The following TMEM91 variants were observed in gnomAD, a reference collection of about 807,000 sequenced individuals.
TMEM91 encodes dispanin subfamily C member 3.
Under a neutral mutation model 13.3 loss-of-function variants are expected in TMEM91, and 6 were observed. That is an observed-to-expected ratio of 0.45 (90% CI 0.25 to 0.89). The LOEUF (loss-of-function observed/expected upper bound fraction) is 0.89, where lower values mean the gene tolerates loss of function less well. Ranked by LOEUF, TMEM91 falls within the 40% of genes least tolerant of loss-of-function variation. TMEM91 has a pLI of 0.19. For missense variants in TMEM91, 193 were observed against 228.7 expected (o/e 0.84, Z 1.01); for synonymous variants, 87 against 101.7 (o/e 0.86, Z 0.87).
At chr19:41,378,814 G>C (rs910604351) in intron 2 of TMEM91, among the ~76,000 whole-genome samples, 9 of 87,502 alleles carry the variant, frequency 1.0e-4, no homozygotes, top group African/African-American at 4.6e-4. Flanking sequence ...CCCTCTTTGT[G>C]TGTGTGTGTG....
upstream of TMEM91, chr19:41,374,364 A>T (rs1436702365): frequency 6.6e-6 from 1 of 152,244 alleles, no homozygotes; most frequent in Non-Finnish European, 1.5e-5. Context: ...TAGTCTTGTA[A>T]TCAGTCCGAT....
In TMEM91 at chr19:41,383,882, A is replaced by G. The variant is rs2038955030; in HGVS notation, c.*9A>G. 6.2e-7 allele frequency: 1 copy of G among 1,603,528 alleles called. No individual in the cohort carries two copies. The highest frequency in any genetic ancestry group is 2.3e-5 in the East Asian group (1 of 43,770). On this transcript the variant is annotated 3_prime_UTR_variant, in exon 4 of 4. Coordinates refer to ENST00000392002, the MANE Select transcript of TMEM91 (RefSeq NM_001098821.2). Reference sequence around the variant, plus strand: ...CCCGAGACCCGCCCTAGTTGCCCCTACAGCCCTCACTGTGAACCCTGAGGC... The same window carrying G: ...CCCGAGACCCGCCCTAGTTGCCCCTGCAGCCCTCACTGTGAACCCTGAGGC...
At chr19:41,378,206 T>C (rs1427653041) in intron 1 of TMEM91, 75 bp from the exon 2 acceptor site, 1 of 1,140,300 alleles carries the variant, frequency 8.8e-7, no homozygotes, top group African/African-American at 1.6e-5. Context: ...TGCCTGAGTC[T>C]CTCTAAAGCA....
In TMEM91 at chr19:41,378,473, C is replaced by G. The variant is rs2038783224; in HGVS notation, c.164C>G (p.Pro55Arg). The G allele has an allele frequency of 6.2e-7, 1 of 1,613,994 alleles. No homozygotes were observed. The highest frequency in any genetic ancestry group is 1.7e-5 in the Admixed American group (1 of 59,988). The change falls in exon 2 of 4, where the codon CCC becomes CGC. Residue 55 changes from proline to arginine, a missense_variant. Coordinates refer to ENST00000392002, the MANE Select transcript of TMEM91 (RefSeq NM_001098821.2). ...RGLQFLSPPL[P>R]SVSAGLGEPR... ...TTGCAGTTCCTGTCACCGCCTCTTC[C>G]CTCCGTGAGCGCTGGCCTGGGGGAA...
chr19:41,379,367 T>TA (rs80166771), intron 2 of TMEM91, among the ~76,000 whole-genome samples: 2,131 of 131,284 alleles, frequency 0.016, 46 homozygotes, highest in African/African-American at 0.046. Flanking sequence ...GACCCCATCT[T>TA]AAAAAAAAAA....
At chr19:41,364,980 A>T (rs929645489) in intron 1 of TMEM91, among the ~76,000 whole-genome samples, 2 of 151,332 alleles carry the variant, frequency 1.3e-5, no homozygotes, top group African/African-American at 4.9e-5. Flanking sequence ...GGTTCAAGGG[A>T]TCCTCCTACC....
At chr19:41,379,563 G>A (rs1017833451) in intron 2 of TMEM91, among the ~76,000 whole-genome samples, 2 of 148,978 alleles carry the variant, frequency 1.3e-5, no homozygotes, top group African/African-American at 5.0e-5. Flanking sequence ...GAGAGAGAGA[G>A]AGAGAAAGAG....
At chr19:41,364,888 G>T (rs1168292851) in intron 1 of TMEM91, among the ~76,000 whole-genome samples, 2 of 151,370 alleles carry the variant, frequency 1.3e-5, no homozygotes, top group Non-Finnish European at 2.9e-5. Context: ...TCCCATCAAG[G>T]CTCCTTAAAA....
intron 3 of TMEM91, chr19:41,383,284 C>T (rs759721604): frequency 5.6e-5 from 21 of 373,700 alleles, no homozygotes; most frequent in Non-Finnish European, 8.8e-5. Flanking sequence ...GAACTCCTGA[C>T]CTCAAGTGAT....
chr19:41,370,847 C>T (rs1395477158), intron 1 of TMEM91, among the ~76,000 whole-genome samples: 3 of 151,876 alleles, frequency 2.0e-5, no homozygotes, highest in Admixed American at 1.3e-4. Context: ...GGATTACAGG[C>T]ATGTGTCACC....
chr19:41,379,137 CTTTTTTT>C (rs569382453), intron 2 of TMEM91, among the ~76,000 whole-genome samples: 276 of 109,064 alleles, frequency 2.5e-3, no homozygotes, highest in Middle Eastern at 4.9e-3. Flanking sequence ...CCCAGCCTTC[CTTTTTTT>C]TTTTTTTTTT....
At chr19:41,366,592 G>C (rs2038531291) in intron 1 of TMEM91, among the ~76,000 whole-genome samples, 1 of 151,972 alleles carries the variant, frequency 6.6e-6, no homozygotes, top group Non-Finnish European at 1.5e-5. Context: ...GCATGACAAG[G>C]CTCTCCACAA....
chr19:41,383,029 GA>G lies in TMEM91; in HGVS notation c.360+110del. On this transcript the variant is annotated intron_variant, in intron 3 of 3. Transcript: ENST00000392002. Reference sequence around the variant, plus strand: ...GCGGGAAGGTGGAAGGTAGCCCAGAGAACCTGAACTCAAATCCTGAGTCTGC... The same window carrying G: ...GCGGGAAGGTGGAAGGTAGCCCAGAGACCTGAACTCAAATCCTGAGTCTGC... 3 of 1,470,536 alleles carry G rather than the reference GA, an allele frequency of 2.0e-6. No individual in the cohort carries two copies. The South Asian group carries it at 4.0e-5, about 19-fold the overall frequency. 91.1% of individuals were successfully genotyped at this position (1,470,536 alleles called of 1,614,324 possible). A position where few individuals can be genotyped will look rare whatever the true frequency, so the allele number is the denominator to read the frequency against.
At chr19:41,377,144 C>T (rs1162612347) in intron 1 of TMEM91, 1 of 154,400 alleles carries the variant, frequency 6.5e-6, no homozygotes, top group Non-Finnish European at 1.4e-5. Context: ...TGTGTGGAGT[C>T]ATAGGTGTGT....
At chr19:41,372,865 A>T (rs1020699215), upstream of TMEM91, among the ~76,000 whole-genome samples, 18 of 152,110 alleles carry the variant, frequency 1.2e-4, no homozygotes, top group Non-Finnish European at 5.9e-5. Flanking sequence ...ATCAAATCAG[A>T]TTTTCACCCA....
rs75024861 is a variant in TMEM91, at chr19:41,364,104, C to T, written c.-30+9C>T. The T allele has an allele frequency of 7.1e-3, 1,164 of 163,760 alleles. 16 individuals are homozygous for T. Among genetic ancestry groups the T allele is most frequent in the African/African-American group, 0.027 (1,116 of 41,654 alleles). 10.1% of individuals were successfully genotyped at this position (163,760 alleles called of 1,614,324 possible). On this transcript the variant is annotated intron_variant, in intron 1 of 3. Transcript: ENST00000413014. ...GCCTGGCTGCGAGATATGTAAGCCG[C>T]GATACTTCCGCGACCGCGCTCGTCT...
rs528686312 is a variant in TMEM91 at position 41,381,666 on chromosome 19, T to C, written c.211-1106T>C. ...GGCGTGAGCCACTGAGCCTGGCCCA[T>C]GCCTAGCTAATTTTAAATTTTTTTT... On this transcript the variant is annotated intron_variant, in intron 2 of 3. Coordinates refer to ENST00000392002, the MANE Select transcript of TMEM91 (RefSeq NM_001098821.2). 1.5e-3 allele frequency among the ~76,000 whole-genome samples: 222 copies of C among 152,232 alleles called. 1 individual carries two copies. The highest frequency in any genetic ancestry group is 5.1e-3 in the African/African-American group (212 of 41,552).
intron 3 of TMEM91, 156 bp downstream of exon 3, chr19:41,383,077 T>A: frequency 1.8e-6 from 2 of 1,103,636 alleles, no homozygotes; most frequent in Non-Finnish European, 2.6e-6. Context: ...AGATTTTTTT[T>A]GAGTCTCACT....
chr19:41,383,238 A>T (rs1421543247), intron 3 of TMEM91: 1 of 408,786 alleles, frequency 2.4e-6, no homozygotes, highest in East Asian at 4.0e-5. Flanking sequence ...ATTTTTAATA[A>T]AGACGGGGTT....
Sources: gnomAD v4.1 joint callset for allele counts (sites outside exome capture counted in the v4.1 genomes callset) on GRCh38, gnomAD v4.1.1 for gene constraint, MANE v1.5 for transcripts, NCBI Gene and HGNC (gene_info 2026-07-23, HGNC 2026-07-21) for gene names.